Variants in SLC30A6 observed in about 807,000 individuals in gnomAD.
SLC30A6 encodes the protein zinc transporter 6.
A neutral mutation model predicts 63.0 loss-of-function variants in SLC30A6; 55 were observed. The observed-to-expected ratio is 0.87, with a 90% CI of 0.70 to 1.09. The LOEUF (loss-of-function observed/expected upper bound fraction) is 1.09. SLC30A6 is among the 50% of genes least tolerant of loss of function. The probability of loss-of-function intolerance (pLI) is 0.00; values close to 1 mark genes in which losing one functional copy is unlikely to be tolerated. For synonymous variants in SLC30A6, 224 were observed against 186.1 expected, an observed-to-expected ratio of 1.20 and a Z score of -1.66; for missense variants, 587 against 549.2, an observed-to-expected ratio of 1.07 and a Z score of -0.69.
chr2:32,192,769 T>A, intron 6 of SLC30A6, 149 bp from the exon 7 acceptor site: 1 of 508,630 alleles, frequency 2.0e-6, no homozygotes, highest in East Asian at 3.3e-5. Flanking sequence ...GGATAATTTA[T>A]GAGTCTCCTT....
intron 4 of SLC30A6, among the ~76,000 whole-genome samples, chr2:32,183,416 C>T (rs1388865978): frequency 6.6e-6 from 1 of 151,994 alleles, no homozygotes; most frequent in Non-Finnish European, 1.5e-5. Flanking sequence ...CGCGGTGGCT[C>T]ACGCCTGTAA....
At chr2:32,182,503 A>C (rs1682418565) in intron 4 of SLC30A6, among the ~76,000 whole-genome samples, 1 of 152,100 alleles carries the variant, frequency 6.6e-6, no homozygotes, top group African/African-American at 2.4e-5. Flanking sequence ...TGGGGGAGCA[A>C]AGGTGTAGGA....
At chr2:32,207,028 T>G in intron 12 of SLC30A6, 95 bp downstream of exon 12, 1 of 1,012,788 alleles carries the variant, frequency 9.9e-7, no homozygotes, top group East Asian at 2.6e-5. Context: ...ACCTAGAATT[T>G]TATTTGAGGG....
At position 32,221,382 on chromosome 2, in the gene SLC30A6, G is replaced by C. The variant is rs1686136864; in HGVS notation, c.*669G>C. The C allele has an allele frequency of 6.5e-6, 1 of 152,698 alleles. No homozygotes were observed. The highest frequency in any genetic ancestry group is 2.4e-5 in the African/African-American group (1 of 41,392). 9.5% of individuals were successfully genotyped at this position (152,698 alleles called of 1,614,324 possible). A position where few individuals can be genotyped will look rare whatever the true frequency, so the allele number is the denominator to read the frequency against. On this transcript the variant is annotated 3_prime_UTR_variant, in exon 14 of 14. Coordinates refer to ENST00000282587, the MANE Select transcript of SLC30A6 (RefSeq NM_017964.5). ...TCACCATGTTGGCCAGGCTGGTCTTGAACTCCTGACCTCATGATCCACCCA... is the reference window on the plus strand; with the variant it reads ...TCACCATGTTGGCCAGGCTGGTCTTCAACTCCTGACCTCATGATCCACCCA...
At chr2:32,194,041 C>A (rs993434044) in intron 8 of SLC30A6, 58 bp downstream of exon 8, 10 of 1,417,044 alleles carry the variant, frequency 7.1e-6, no homozygotes, top group South Asian at 2.5e-5. Flanking sequence ...TAAAAACAAG[C>A]CTTTTGTTTG....
chr2:32,220,848 A>G lies in SLC30A6; in HGVS notation c.*135A>G, dbSNP rs991676877. 2.5e-6 allele frequency: 2 copies of G among 799,262 alleles called. No individual in the cohort carries two copies. The highest frequency in any genetic ancestry group is 3.8e-6 in the Non-Finnish European group (2 of 526,636). 49.5% of individuals were successfully genotyped at this position (799,262 alleles called of 1,614,324 possible). A position where few individuals can be genotyped will look rare whatever the true frequency, so the allele number is the denominator to read the frequency against. On this transcript the variant is annotated 3_prime_UTR_variant, in exon 14 of 14. Coordinates refer to ENST00000282587, the MANE Select transcript of SLC30A6 (RefSeq NM_017964.5). ...AGTAGTCTTGTTCACATTTCATGAAACCTATGAAACTATATTTTTGTAAAA... is the reference window on the plus strand; with the variant it reads ...AGTAGTCTTGTTCACATTTCATGAAGCCTATGAAACTATATTTTTGTAAAA...
chr2:32,215,826 T>C (rs1262938747), intron 13 of SLC30A6, among the ~76,000 whole-genome samples: 1 of 151,880 alleles, frequency 6.6e-6, no homozygotes, highest in African/African-American at 2.4e-5. Context: ...TGCCTCAGCC[T>C]TCCTCGTAGC....
chr2:32,165,905 T>C lies in SLC30A6; in HGVS notation c.3+2T>C. The C allele has an allele frequency of 6.2e-7, 1 of 1,614,110 alleles. No homozygotes were observed. On this transcript the variant is annotated splice_donor_variant, in intron 1 of 13. Transcript: ENST00000282587. LOFTEE classifies it high-confidence loss of function. The stretch of plus-strand genomic sequence containing the variant: ...GGAGCTGTGCAGCTCCTTATCATGG[T>C]GAGTTGGCTGTTGGGGTGAGGGTTT...
Position 32,205,520 on chromosome 2 carries a change from A to G in SLC30A6, c.768+828A>G, listed in dbSNP as rs553404490. ...CCCCTGCTAGAAATGAAGTCAAACA[A>G]TAATCTCTGACATTCATATAGTCAG... On this transcript the variant is annotated intron_variant, in intron 11 of 13. Coordinates refer to ENST00000282587, the MANE Select transcript of SLC30A6 (RefSeq NM_017964.5). Among the ~76,000 whole-genome samples the G allele has an allele frequency of 2.7e-3, 406 of 152,302 alleles. 1 individual carries two copies. The highest frequency in any genetic ancestry group is 4.7e-3 in the Non-Finnish European group (321 of 68,014).
intron 10 of SLC30A6, chr2:32,201,918 G>A: frequency 6.8e-7 from 1 of 1,472,898 alleles, no homozygotes; most frequent in Admixed American, 1.9e-5. Context: ...TGAAAGAGAA[G>A]CTAAATGGAG....
chr2:32,220,562 G>A lies in SLC30A6; in HGVS notation c.1235G>A (p.Gly412Asp). 1 of 1,614,146 alleles carries A rather than the reference G, an allele frequency of 6.2e-7. No homozygotes were observed. Among genetic ancestry groups the A allele is most frequent in the African/African-American group, 1.3e-5 (1 of 75,040 alleles). The change falls in exon 14 of 14, where the codon GGT (glycine) becomes GAT (aspartate). Residue 412 changes from glycine (G) to aspartate (D), a missense_variant. By Grantham distance (94) the Gly-to-Asp change is moderately conservative. Transcript: ENST00000282587. ...ACACAAACAAGGCCTTATGGTTTTGGTCTCAATCATGGACACACACCTTAC... is the reference window on the plus strand; with the variant it reads ...ACACAAACAAGGCCTTATGGTTTTGATCTCAATCATGGACACACACCTTAC... Reference protein sequence around the residue: ...LNTQTRPYGFGLNHGHTPYSS... With the variant: ...LNTQTRPYGFDLNHGHTPYSS...
At chr2:32,207,552 T>C (rs904676960) in intron 12 of SLC30A6, among the ~76,000 whole-genome samples, 6 of 151,762 alleles carry the variant, frequency 4.0e-5, no homozygotes, top group African/African-American at 1.5e-4. Context: ...AATTTTTGTA[T>C]TTTTAGTGGA....
chr2:32,197,178 A>G lies in SLC30A6; in HGVS notation c.497-166A>G, dbSNP rs1683864839. The G allele has an allele frequency of 4.9e-6, 3 of 606,496 alleles. No homozygotes were observed. In the African/African-American group the frequency reaches 5.6e-5, roughly 11 times the overall value. 37.6% of individuals were successfully genotyped at this position (606,496 alleles called of 1,614,324 possible). ...GAAACTGCTTTTGAATTAGTGGCATAAGGGCATAAAAGAGGAAACATTTAT... is the reference window on the plus strand; with the variant it reads ...GAAACTGCTTTTGAATTAGTGGCATGAGGGCATAAAAGAGGAAACATTTAT... On this transcript the variant is annotated intron_variant, in intron 8 of 13. Transcript: ENST00000282587.
chr2:32,214,797 G>A (rs898632456), intron 13 of SLC30A6, among the ~76,000 whole-genome samples: 1 of 152,152 alleles, frequency 6.6e-6, no homozygotes, highest in Non-Finnish European at 1.5e-5. Flanking sequence ...TGAAAACAGA[G>A]TTTCCTTATT....
chr2:32,181,185 G>T (rs1242673308), intron 4 of SLC30A6, among the ~76,000 whole-genome samples: 1 of 152,174 alleles, frequency 6.6e-6, no homozygotes, highest in African/African-American at 2.4e-5. Context: ...CATATTGAAT[G>T]ATTTGTTAAT....
At chr2:32,172,119 A>G (rs985611973) in intron 2 of SLC30A6, among the ~76,000 whole-genome samples, 7 of 152,132 alleles carry the variant, frequency 4.6e-5, no homozygotes, top group African/African-American at 1.7e-4. Flanking sequence ...CATGCTTCTC[A>G]TTGTTGTCTA....
At chr2:32,186,715 G>C (rs1431331946) in intron 5 of SLC30A6, among the ~76,000 whole-genome samples, 1 of 151,214 alleles carries the variant, frequency 6.6e-6, no homozygotes, top group Admixed American at 6.6e-5. Context: ...TTAGTTTGGG[G>C]AGTCAGATGC....
chr2:32,200,389 A>G (rs530940092), intron 10 of SLC30A6, among the ~76,000 whole-genome samples: 42 of 152,034 alleles, frequency 2.8e-4, no homozygotes, highest in South Asian at 8.3e-4. Context: ...CACGATGACA[A>G]TGGCGGTTTT....
At position 32,197,808 on chromosome 2, in the gene SLC30A6, A is replaced by T. The variant is rs1406478797; in HGVS notation, c.647A>T (p.Tyr216Phe). 6 of 1,613,702 alleles carry T rather than the reference A, an allele frequency of 3.7e-6. No individual in the cohort carries two copies. Among genetic ancestry groups the T allele is most frequent in the Non-Finnish European group, 4.2e-6 (5 of 1,179,908 alleles). Residue 216 changes from tyrosine (Y) to phenylalanine (F), a missense_variant, in exon 10 of 14, where the codon TAT (tyrosine) becomes TTT (phenylalanine). Tyr to Phe is a conservative substitution (Grantham distance 22, BLOSUM62 3). Transcript: ENST00000282587. ...GGAGCATTTGCTCTTTGTATTACAT[A>T]TATGCTCATTGAAATTAAGTGAGTA... is the stretch of plus-strand genomic sequence containing the variant. ...LAGAFALCIT[Y>F]MLIEINNYFA...
Sources: gnomAD v4.1 joint callset for allele counts (sites outside exome capture counted in the v4.1 genomes callset) on GRCh38, gnomAD v4.1.1 for gene constraint, MANE v1.5 for transcripts, NCBI Gene and HGNC (gene_info 2026-07-23, HGNC 2026-07-21) for gene names.